The following COL8A2 variants were observed in gnomAD, a reference collection of about 807,000 sequenced individuals.
The protein encoded by COL8A2 is collagen alpha-2(VIII) chain.
In COL8A2, 16 loss-of-function variants were observed where a neutral mutation model predicts 24.0. The observed-to-expected ratio is 0.67, with a 90% CI of 0.45 to 1.01. The LOEUF (loss-of-function observed/expected upper bound fraction) is 1.01. Ranked by LOEUF, COL8A2 falls within the 50% of genes least tolerant of loss-of-function variation. The pLI is 0.00. For missense variants in COL8A2, 818 were observed against 942.4 expected (o/e 0.87, Z 1.73); for synonymous variants, 466 against 424.5 (o/e 1.10, Z -1.20).
Position 36,099,365 on chromosome 1 carries a change from C to A in COL8A2, c.316G>T (p.Gly106Ter). The change falls in exon 4 of 4, where the codon GGA becomes TGA. Residue 106 changes from glycine (G) to a stop codon, truncating the protein, a stop_gained. Transcript: ENST00000397799. LOFTEE classifies it low-confidence loss of function (END_TRUNC). ...FPGKPGMGKP[G>*]LHGQPGPAGP... The stretch of plus-strand genomic sequence containing the variant: ...GCAGGGCCAGGCTGCCCATGGAGTC[C>A]TGGCTTTCCCATGCCTGGTTTTCCT... The A allele has an allele frequency of 6.3e-7, 1 of 1,578,944 alleles. No homozygotes were observed. The highest frequency in any genetic ancestry group is 8.6e-7 in the Non-Finnish European group (1 of 1,165,770).
chr1:36,114,332 A>AAG lies in COL8A2; in HGVS notation c.-17+1375_-17+1376insCT, dbSNP rs1643869436. Reference sequence around the variant, plus strand: ...AGACTCCATCTCAAAAAAAAAAAAAAAAAATACAGGTTCGTTGGCGGGGTT... The same window carrying AAG: ...AGACTCCATCTCAAAAAAAAAAAAAAAGAAAATACAGGTTCGTTGGCGGGGTT... On this transcript the variant is annotated intron_variant, in intron 2 of 3. Coordinates refer to ENST00000397799, the MANE Select transcript of COL8A2 (RefSeq NM_005202.4). 2.0e-5 allele frequency among the ~76,000 whole-genome samples: 3 copies of AAG among 151,292 alleles called. No homozygotes were observed. The South Asian group carries it at 6.3e-4, about 32-fold the overall frequency.
At chr1:36,118,024 C>G (rs1240596601) in intron 1 of COL8A2, among the ~76,000 whole-genome samples, 1 of 152,172 alleles carries the variant, frequency 6.6e-6, no homozygotes, top group African/African-American at 2.4e-5. Flanking sequence ...CTACCTAAAG[C>G]TGCTTCCCCA....
chr1:36,114,194 C>T (rs1643868446), intron 2 of COL8A2, among the ~76,000 whole-genome samples: 1 of 151,956 alleles, frequency 6.6e-6, no homozygotes, highest in Admixed American at 6.6e-5. Context: ...TAGAGGGCGC[C>T]TATAGTCCCA....
chr1:36,119,602 A>G (rs1643896021), intron 1 of COL8A2, among the ~76,000 whole-genome samples: 1 of 152,192 alleles, frequency 6.6e-6, no homozygotes, highest in South Asian at 2.1e-4. Context: ...TCCAGGAACT[A>G]TGAAAAGAAT....
chr1:36,100,297 G>A, intron 2 of COL8A2, 39 bp from the exon 3 acceptor site: 12 of 1,530,376 alleles, frequency 7.8e-6, no homozygotes, highest in East Asian at 2.4e-5. Context: ...AGCCAGCCCT[G>A]GGTGGTTTGG....
Position 36,116,074 on chromosome 1 carries a change from G to A in COL8A2, c.-61-322C>T, listed in dbSNP as rs1643877669. ...ACTCTGTCTCAAAAAAAAAAAAAAG[G>A]AGGAACAGTGAGACGATGACATCAG... On this transcript the variant is annotated intron_variant, in intron 1 of 3. Coordinates refer to ENST00000397799, the MANE Select transcript of COL8A2 (RefSeq NM_005202.4). Among the ~76,000 whole-genome samples the A allele has an allele frequency of 2.0e-5, 3 of 150,106 alleles. No individual in the cohort carries two copies. In the South Asian group the frequency reaches 6.3e-4, roughly 32 times the overall value.
At chr1:36,121,388 C>CAAAAAAAAAA (rs57902365) in intron 1 of COL8A2, among the ~76,000 whole-genome samples, 1 of 47,654 alleles carries the variant, frequency 2.1e-5, no homozygotes, top group African/African-American at 9.1e-5. Flanking sequence ...GACTCTGTCT[C>CAAAAAAAAAA]AAAAAAAAAA....
chr1:36,099,945 A>C, intron 3 of COL8A2, 105 bp downstream of exon 3: 10 of 1,056,246 alleles, frequency 9.5e-6, no homozygotes, highest in Non-Finnish European at 1.3e-5. Context: ...TTGGTGGGGA[A>C]TGAGGAGCTG....
Position 36,123,700 on chromosome 1 carries a change from T to C in COL8A2, c.-62+1357A>G, listed in dbSNP as rs931019586. On this transcript the variant is annotated intron_variant, in intron 1 of 3. Coordinates refer to ENST00000397799, the MANE Select transcript of COL8A2 (RefSeq NM_005202.4). This position sits in a 1 kb window ranked among gnomAD's most constrained non-coding sequence, Gnocchi z 4.1. The stretch of plus-strand genomic sequence containing the variant: ...CATTAGAGGAGGGTGTCCGCATGAA[T>C]CTAATGAATGTTTGGGTCGGTGTGT... Among the ~76,000 whole-genome samples the C allele has an allele frequency of 2.6e-5, 4 of 152,150 alleles. No homozygotes were observed. The highest frequency in any genetic ancestry group is 6.5e-5 in the Admixed American group (1 of 15,282).
chr1:36,100,346 AT>A, intron 2 of COL8A2, 88 bp from the exon 3 acceptor site: 1 of 1,130,254 alleles, frequency 8.8e-7, no homozygotes, highest in Non-Finnish European at 1.3e-6. Flanking sequence ...GAATTTAGAG[AT>A]TACACTGGAG....
chr1:36,109,310 C>T (rs1048006936), intron 2 of COL8A2, among the ~76,000 whole-genome samples: 1 of 152,218 alleles, frequency 6.6e-6, no homozygotes, highest in Non-Finnish European at 1.5e-5. Flanking sequence ...TGGGTCTCTA[C>T]TCCTGACTCC....
Position 36,098,100 on chromosome 1 carries a change from C to T in COL8A2, c.1581G>A (p.Pro527=), listed in dbSNP as rs562495001. Residue 527 remains proline, a synonymous_variant, in exon 4 of 4, where the codon CCG becomes CCA. Transcript: ENST00000397799. ...ITGPPGPPGP[P]GPPGAPGAFD... ...AGGCCCCAGGGGCACCAGGGGGTCC[C>T]GGGGGCCCGGGAGGCCCCGGAGGGC... 9.1e-5 allele frequency: 138 copies of T among 1,518,626 alleles called. No individual in the cohort carries two copies. Among genetic ancestry groups the T allele is most frequent in the South Asian group, 5.9e-4 (46 of 78,574 alleles). The allele number at this position is 1,518,626 out of a possible 1,614,324, so 94.1% of individuals were successfully genotyped here. A position where few individuals can be genotyped will look rare whatever the true frequency, so the allele number is the denominator to read the frequency against.
chr1:36,106,275 C>CAA (rs986397741), intron 2 of COL8A2, among the ~76,000 whole-genome samples: 1 of 142,052 alleles, frequency 7.0e-6, no homozygotes, highest in African/African-American at 2.6e-5. Flanking sequence ...AAAAAAACAA[C>CAA]AAAAAAAAAA....
At chr1:36,111,432 C>T (rs987489247) in intron 2 of COL8A2, among the ~76,000 whole-genome samples, 2 of 152,186 alleles carry the variant, frequency 1.3e-5, no homozygotes, top group African/African-American at 2.4e-5. Flanking sequence ...CTGGCTCAGG[C>T]CTCATCTCTT....
At chr1:36,105,399 C>T (rs1449018099) in intron 2 of COL8A2, among the ~76,000 whole-genome samples, 2 of 152,212 alleles carry the variant, frequency 1.3e-5, no homozygotes, top group African/African-American at 2.4e-5. Flanking sequence ...AGTTATTACC[C>T]CCATTTTACA....
rs1454620342 is a variant in COL8A2 at position 36,117,855 on chromosome 1, A to G, written c.-61-2103T>C. 3.7e-5 allele frequency among the ~76,000 whole-genome samples: 5 copies of G among 136,724 alleles called. No individual in the cohort carries two copies. The Admixed American group carries it at 3.8e-4, about 10-fold the overall frequency. 89.7% of individuals were successfully genotyped at this position (136,724 alleles called of 152,430 possible). A position where few individuals can be genotyped will look rare whatever the true frequency, so the allele number is the denominator to read the frequency against. On this transcript the variant is annotated intron_variant, in intron 1 of 3. Transcript: ENST00000397799. ...GCCTGGGCAACATAGTGATACCCCC[A>G]TCTCTTAAAAAAAAAAAAAAAAAGT...
chr1:36,115,886 A>C lies in COL8A2; in HGVS notation c.-61-134T>G, dbSNP rs1428366371. 1 of 293,262 alleles carries C rather than the reference A, an allele frequency of 3.4e-6. No homozygotes were observed. Among genetic ancestry groups the C allele is most frequent in the African/African-American group, 2.3e-5 (1 of 43,886 alleles). The allele number at this position is 293,262 out of a possible 1,614,324, so 18.2% of individuals were successfully genotyped here. ...AGACCAGCCTGGGCAACATAGGGAG[A>C]CATTGTCTGTACTAAAAATTTTAAA... is the stretch of plus-strand genomic sequence containing the variant. On this transcript the variant is annotated intron_variant, in intron 1 of 3. Transcript: ENST00000397799. This position sits in a 1 kb window ranked among gnomAD's most constrained non-coding sequence, Gnocchi z 5.7.
At chr1:36,114,274 G>A (rs1189699620) in intron 2 of COL8A2, among the ~76,000 whole-genome samples, 3 of 139,122 alleles carry the variant, frequency 2.2e-5, no homozygotes, top group Non-Finnish European at 4.5e-5. Context: ...AGCCAAGATC[G>A]CACCACTGCA....
Position 36,098,946 on chromosome 1 carries a change from A to G in COL8A2, c.735T>C (p.Pro245=). The G allele has an allele frequency of 6.2e-7, 1 of 1,609,894 alleles. No individual in the cohort carries two copies. Among genetic ancestry groups the G allele is most frequent in the Non-Finnish European group, 8.5e-7 (1 of 1,178,404 alleles). Residue 245 remains proline (P), a synonymous_variant, in exon 4 of 4, where the codon CCT becomes CCC. Coordinates refer to ENST00000397799, the MANE Select transcript of COL8A2 (RefSeq NM_005202.4). ...ACTCACCCTTGTCTCCTGGGGCCCC[A>G]GGAAGCCCATCCAAACCAGGTTTGC... ...GLGKPGLDGL[P]GAPGDKGESG...
Sources: gnomAD v4.1 joint callset for allele counts (sites outside exome capture counted in the v4.1 genomes callset) on GRCh38, gnomAD v4.1.1 for gene constraint, Gnocchi (gnomAD v3.1) non-coding constraint, MANE v1.5 for transcripts, NCBI Gene and HGNC (gene_info 2026-07-23, HGNC 2026-07-21) for gene names.